Variants in ABI3BP observed in about 807,000 individuals in gnomAD.
ABI3BP encodes the protein target of Nesh-SH3.
ABI3BP carries 216 observed loss-of-function variants against 268.6 expected under a neutral mutation model. That is an observed-to-expected ratio of 0.80 (90% CI 0.72 to 0.90). The LOEUF (loss-of-function observed/expected upper bound fraction) is 0.90. ABI3BP is among the 40% of genes least tolerant of loss of function. The pLI is 0.00. For synonymous variants in ABI3BP, 730 were observed against 730.0 expected, an observed-to-expected ratio of 1.00 and a Z score of 0.00; for missense variants, 2,090 against 2,182.4, an observed-to-expected ratio of 0.96 and a Z score of 0.84.
intron 63 of ABI3BP, among the ~76,000 whole-genome samples, chr3:100,762,766 G>A (rs191297035): frequency 6.6e-6 from 1 of 152,152 alleles, no homozygotes; most frequent in Non-Finnish European, 1.5e-5. Flanking sequence ...GAGGCTCATC[G>A]GAGGCTAGGA....
chr3:100,779,991 AATAC>A lies in ABI3BP; in HGVS notation c.4240+137_4240+140del, dbSNP rs141170002. On this transcript the variant is annotated intron_variant, in intron 58 of 67. Coordinates refer to ENST00000471714, the MANE Select transcript of ABI3BP (RefSeq NM_001375547.2). ...ATAATATTCCAAATGTTTTCCTAGCAATACCCATGCACTGTGTGTGTGGTTCTGA... is the reference window on the plus strand; with the variant it reads ...ATAATATTCCAAATGTTTTCCTAGCACCATGCACTGTGTGTGTGGTTCTGA... 4,707 of 622,058 alleles carry A rather than the reference AATAC, an allele frequency of 7.6e-3. 55 individuals carry two copies. Among genetic ancestry groups the A allele is most frequent in the African/African-American group, 0.028 (1,468 of 53,170 alleles). 38.5% of individuals were successfully genotyped at this position (622,058 alleles called of 1,614,324 possible).
At chr3:100,750,633 T>A in intron 67 of ABI3BP, 23 bp from the exon 68 acceptor site, 1 of 1,548,836 alleles carries the variant, frequency 6.5e-7, no homozygotes, top group Non-Finnish European at 8.9e-7. Flanking sequence ...ATAGTTTCAT[T>A]TTAATAGCTG....
chr3:100,879,725 T>C (rs2099206593), intron 6 of ABI3BP, among the ~76,000 whole-genome samples: 1 of 152,188 alleles, frequency 6.6e-6, no homozygotes, highest in Non-Finnish European at 1.5e-5. Flanking sequence ...AATTAAAAAA[T>C]CATTTAGCTG....
At chr3:100,759,282 G>A (rs533405729) in intron 63 of ABI3BP, among the ~76,000 whole-genome samples, 6 of 152,294 alleles carry the variant, frequency 3.9e-5, no homozygotes, top group African/African-American at 1.4e-4. Context: ...AAGAAAAAAA[G>A]AGGAAGGACT....
rs2049450797 is a variant in ABI3BP at position 100,899,947 on chromosome 3, G to A, written c.329-1053C>T. On this transcript the variant is annotated intron_variant, in intron 3 of 67. Transcript: ENST00000471714. ...TGCCCCTTGCATGAGCCTATTGGTG[G>A]TCATCTGAATCAAATGCTCTTGAAA... Among the ~76,000 whole-genome samples the A allele has an allele frequency of 3.3e-5, 5 of 152,168 alleles. No individual in the cohort carries two copies. In the South Asian group the frequency reaches 1.0e-3, roughly 32 times the overall value.
At chr3:100,865,881 T>C (rs1346048406) in intron 10 of ABI3BP, among the ~76,000 whole-genome samples, 2 of 152,250 alleles carry the variant, frequency 1.3e-5, no homozygotes, top group South Asian at 2.1e-4. Context: ...TCAAAAACCA[T>C]CTAGGAATTT....
Position 100,795,844 on chromosome 3 carries a change from C to T in ABI3BP, c.3825G>A (p.Gln1275=), listed in dbSNP as rs1320963623. 3 of 1,286,692 alleles carry T rather than the reference C, an allele frequency of 2.3e-6. No individual in the cohort carries two copies. The highest frequency in any genetic ancestry group is 4.7e-5 in the Admixed American group (2 of 42,986). 79.7% of individuals were successfully genotyped at this position (1,286,692 alleles called of 1,614,324 possible). A position where few individuals can be genotyped will look rare whatever the true frequency, so the allele number is the denominator to read the frequency against. ...PEVSQSEPVL[Q]PVTFRFEPPK... is the part of the protein sequence containing the mutation. ...GTGGCTCAAATCTAAAGGTAACAGGCTGCAGAACTATGCCAAAAGCAAGCC... is the reference window on the plus strand; with the variant it reads ...GTGGCTCAAATCTAAAGGTAACAGGTTGCAGAACTATGCCAAAAGCAAGCC... The change falls in exon 53 of 68, where the codon CAG becomes CAA. Residue 1275 remains glutamine, a synonymous_variant. Transcript: ENST00000471714.
intron 1 of ABI3BP, among the ~76,000 whole-genome samples, chr3:100,937,459 A>G (rs1017981500): frequency 2.4e-4 from 37 of 152,024 alleles, no homozygotes; most frequent in African/African-American, 8.9e-4. Context: ...CATCCCTATA[A>G]TGAGATATAG....
At chr3:100,857,940 C>T (rs942434360) in intron 14 of ABI3BP, among the ~76,000 whole-genome samples, 12 of 152,342 alleles carry the variant, frequency 7.9e-5, no homozygotes, top group South Asian at 4.1e-4. Flanking sequence ...GGTGCACATA[C>T]GTGCACATGC....
intron 1 of ABI3BP, among the ~76,000 whole-genome samples, chr3:100,955,483 T>C (rs755427925): frequency 4.2e-4 from 64 of 150,974 alleles, no homozygotes; most frequent in Non-Finnish European, 7.4e-4. Context: ...CCGTATTAGA[T>C]GTTTGACTTA....
At chr3:100,785,639 C>T (rs901424754) in intron 57 of ABI3BP, among the ~76,000 whole-genome samples, 2 of 152,004 alleles carry the variant, frequency 1.3e-5, no homozygotes, top group African/African-American at 4.8e-5. Context: ...AATAGAAATC[C>T]CTGCTGTACT....
At chr3:100,867,894 T>C (rs376142994) in intron 9 of ABI3BP, among the ~76,000 whole-genome samples, 50 of 152,274 alleles carry the variant, frequency 3.3e-4, no homozygotes, top group East Asian at 2.5e-3. Context: ...ATGCAACTAT[T>C]TGAGAAACTT....
rs559297681 is a variant in ABI3BP at position 100,830,110 on chromosome 3, CATATATATATATATATAT to C, written c.2458+450_2459-447del. Among the ~76,000 whole-genome samples the C allele has an allele frequency of 8.3e-3, 370 of 44,734 alleles. 2 individuals are homozygous for C. The highest frequency in any genetic ancestry group is 0.029 in the Admixed American group (95 of 3,286). 29.3% of individuals were successfully genotyped at this position (44,734 alleles called of 152,430 possible). A position where few individuals can be genotyped will look rare whatever the true frequency, so the allele number is the denominator to read the frequency against. ...ATACATATACATACATACATACATA[CATATATATATATATATAT>C]ATATATATATATATATATATATATA... On this transcript the variant is annotated intron_variant, in intron 32 of 67. Coordinates refer to ENST00000471714, the MANE Select transcript of ABI3BP (RefSeq NM_001375547.2).
At chr3:100,901,439 C>A (rs2576393) in intron 3 of ABI3BP, among the ~76,000 whole-genome samples, 129,437 of 152,142 alleles carry the variant, frequency 0.85, 55,196 homozygotes, top group East Asian at 1. Context: ...CATGCTTTGG[C>A]AATAATTACT....
intron 62 of ABI3BP, among the ~76,000 whole-genome samples, chr3:100,769,393 A>G (rs1005360122): frequency 2.0e-5 from 3 of 152,244 alleles, no homozygotes; most frequent in Non-Finnish European, 4.4e-5. Context: ...GATAAAGTAT[A>G]CTCTATCCAT....
Position 100,750,379 on chromosome 3 carries a change from AATTAG to A in ABI3BP, c.*111_*115del, listed in dbSNP as rs1306791430. ...ATAATAAACATCTAGTATTGCTATTAATTAGATTGTAGACTTTTATACATAGTAAA... is the reference window on the plus strand; with the variant it reads ...ATAATAAACATCTAGTATTGCTATTAATTGTAGACTTTTATACATAGTAAA... On this transcript the variant is annotated 3_prime_UTR_variant, in exon 68 of 68. Coordinates refer to ENST00000471714, the MANE Select transcript of ABI3BP (RefSeq NM_001375547.2). 4 of 662,992 alleles carry A rather than the reference AATTAG, an allele frequency of 6.0e-6. No individual in the cohort carries two copies. In the East Asian group the frequency reaches 1.1e-4, roughly 19 times the overall value. The allele number at this position is 662,992 out of a possible 1,614,324, so 41.1% of individuals were successfully genotyped here. A position where few individuals can be genotyped will look rare whatever the true frequency, so the allele number is the denominator to read the frequency against.
intron 18 of ABI3BP, 22 bp from the exon 19 acceptor site, chr3:100,847,695 A>G (rs1560767135): frequency 6.3e-7 from 1 of 1,587,546 alleles, no homozygotes; most frequent in Non-Finnish European, 8.7e-7. Flanking sequence ...AAGGAAAAAA[A>G]TATTGAAATA....
intron 7 of ABI3BP, among the ~76,000 whole-genome samples, chr3:100,876,057 C>A (rs2099158583): frequency 6.6e-6 from 1 of 152,088 alleles, no homozygotes; most frequent in Non-Finnish European, 1.5e-5. Flanking sequence ...TACCAAGAAA[C>A]TTTCTGGAAA....
At chr3:100,886,688 T>C (rs1317713033) in intron 4 of ABI3BP, among the ~76,000 whole-genome samples, 1 of 151,866 alleles carries the variant, frequency 6.6e-6, no homozygotes, top group Admixed American at 6.6e-5. Flanking sequence ...TAGGTGCCAT[T>C]TTATAATTAT....
Sources: allele counts gnomAD v4.1 joint callset (sites outside exome capture counted in the v4.1 genomes callset), GRCh38; gene constraint gnomAD v4.1.1; transcripts MANE v1.5; gene names NCBI Gene and HGNC (gene_info 2026-07-23, HGNC 2026-07-21).